PAX5: variants seen among roughly 807,000 people sequenced by gnomAD.
PAX5 encodes paired box 5, also known as paired box protein Pax-5.
In PAX5, 9 loss-of-function variants were observed where a neutral mutation model predicts 43.7. That is an observed-to-expected ratio of 0.21 (90% CI 0.12 to 0.36). The LOEUF (loss-of-function observed/expected upper bound fraction) is 0.36. PAX5 is among the 10% of genes least tolerant of loss of function. The probability of loss-of-function intolerance (pLI) is 1.00; values close to 1 mark genes in which losing one functional copy is unlikely to be tolerated. For synonymous variants in PAX5, 228 were observed against 214.3 expected, an observed-to-expected ratio of 1.06 and a Z score of -0.56; for missense variants, 383 against 532.7, an observed-to-expected ratio of 0.72 and a Z score of 2.77.
intron 8 of PAX5, among the ~76,000 whole-genome samples, chr9:36,876,019 C>G (rs1825879258): frequency 2.0e-5 from 3 of 152,226 alleles, no homozygotes; most frequent in African/African-American, 7.2e-5. Flanking sequence ...TGGGGAAGGC[C>G]TCTCTATGGA....
chr9:36,882,465 G>C lies in PAX5; in HGVS notation c.911-360C>G, dbSNP rs12553949. On this transcript the variant is annotated intron_variant, in intron 7 of 9. Coordinates refer to ENST00000358127, the MANE Select transcript of PAX5 (RefSeq NM_016734.3). The surrounding 1 kb of genome is among the most constrained non-coding windows in gnomAD (Gnocchi z 4.4). ...CCCTACTCTCTACTCCCCAAGAATGGCTGGGACCTCTCCATCTCCACACTG... is the reference window on the plus strand; with the variant it reads ...CCCTACTCTCTACTCCCCAAGAATGCCTGGGACCTCTCCATCTCCACACTG... Among the ~76,000 whole-genome samples, 9,837 of 152,098 alleles carry C rather than the reference G, an allele frequency of 0.065. 350 individuals carry two copies. The highest frequency in any genetic ancestry group is 0.15 in the Middle Eastern group (43 of 294).
intron 6 of PAX5, among the ~76,000 whole-genome samples, chr9:36,936,419 A>C (rs974069793): frequency 1.3e-5 from 2 of 152,198 alleles, no homozygotes; most frequent in African/African-American, 4.8e-5. Flanking sequence ...CAGGTGGCCA[A>C]GTTCCACAGG....
At chr9:37,006,560 A>G in intron 3 of PAX5, 23 bp from the exon 4 acceptor site, 2 of 1,605,278 alleles carry the variant, frequency 1.2e-6, no homozygotes, top group Non-Finnish European at 1.7e-6. Flanking sequence ...GAAAAACAAA[A>G]TTGCTATTTA....
chr9:36,938,141 T>G (rs1563987949), intron 6 of PAX5, among the ~76,000 whole-genome samples: 1 of 152,212 alleles, frequency 6.6e-6, no homozygotes, highest in Non-Finnish European at 1.5e-5. Context: ...CTTGTATGCC[T>G]TTTTATCAGG....
chr9:36,877,623 T>G (rs948674107), intron 8 of PAX5, among the ~76,000 whole-genome samples: 1 of 152,188 alleles, frequency 6.6e-6, no homozygotes, highest in Admixed American at 6.5e-5. Context: ...TGCAATGGCA[T>G]CATCATCTTC....
chr9:36,928,167 G>T (rs952369809), intron 6 of PAX5, among the ~76,000 whole-genome samples: 2 of 152,170 alleles, frequency 1.3e-5, no homozygotes, highest in African/African-American at 4.8e-5. Flanking sequence ...CCTCATCACC[G>T]TTTGTCCTTT....
At chr9:36,940,060 G>A (rs1831916622) in intron 6 of PAX5, among the ~76,000 whole-genome samples, 1 of 152,206 alleles carries the variant, frequency 6.6e-6, no homozygotes, top group Non-Finnish European at 1.5e-5. Context: ...TTTATTGCCC[G>A]GCGCTGCCTT....
intron 9 of PAX5, among the ~76,000 whole-genome samples, chr9:36,845,273 G>T (rs1027831837): frequency 6.6e-6 from 1 of 152,142 alleles, no homozygotes; most frequent in Admixed American, 6.5e-5. Flanking sequence ...CCAGGTTTGG[G>T]CCTCAAGACT....
chr9:36,846,997 T>G, intron 8 of PAX5, 68 bp from the exon 9 acceptor site: 2 of 1,147,168 alleles, frequency 1.7e-6, no homozygotes, highest in South Asian at 1.3e-5. Context: ...AGGCCCTGGG[T>G]CCCAGCCAGC....
At chr9:37,006,591 C>A (rs1838409007) in intron 3 of PAX5, 54 bp from the exon 4 acceptor site, 1 of 1,404,464 alleles carries the variant, frequency 7.1e-7, no homozygotes, top group East Asian at 2.3e-5. Flanking sequence ...GGAGAAGAGA[C>A]CTCAACCAGC....
At chr9:37,002,937 C>T (rs1459988605) in intron 4 of PAX5, 161 bp from the exon 5 acceptor site, 5 of 773,640 alleles carry the variant, frequency 6.5e-6, no homozygotes, top group South Asian at 2.0e-5. Flanking sequence ...ACCTGAGCCA[C>T]GAGCGCAGGC....
At chr9:36,976,639 AG>A (rs71881046) in intron 5 of PAX5, among the ~76,000 whole-genome samples, 112,535 of 151,844 alleles carry the variant, frequency 0.74, 42,176 homozygotes, top group South Asian at 0.88. Flanking sequence ...GGTGGCATGG[AG>A]GAAAATTTCC....
Position 36,840,581 on chromosome 9 carries a change from G to A in PAX5, c.1155C>T (p.Ala385=), listed in dbSNP as rs1220747735. The A allele has an allele frequency of 1.3e-6, 2 of 1,586,866 alleles. No homozygotes were observed. The highest frequency in any genetic ancestry group is 3.6e-5 in the Admixed American group (2 of 55,028). Reference sequence around the variant, plus strand: ...AGGGTCAGTGACGGTCATAGGCAGTGGCGGCTGCAGGTGGGGCGGCTCCTC... The same window carrying A: ...AGGGTCAGTGACGGTCATAGGCAGTAGCGGCTGCAGGTGGGGCGGCTCCTC... The part of the protein sequence containing the change: ...AARGAAPPAA[A]TAYDRH Residue 385 remains alanine (A), a synonymous_variant, in exon 10 of 10, where the codon GCC becomes GCT. Coordinates refer to ENST00000358127, the MANE Select transcript of PAX5 (RefSeq NM_016734.3).
intron 8 of PAX5, among the ~76,000 whole-genome samples, chr9:36,858,949 G>A (rs562449566): frequency 2.6e-4 from 39 of 152,228 alleles, no homozygotes; most frequent in African/African-American, 8.7e-4. Context: ...TGCTAGTCCC[G>A]ACCTGCGCTG....
chr9:36,844,825 C>CACA (rs1822410595), intron 9 of PAX5, among the ~76,000 whole-genome samples: 6 of 152,210 alleles, frequency 3.9e-5, no homozygotes, highest in Admixed American at 3.9e-4. Context: ...CCCAGCCTGG[C>CACA]CTTCAAGGGG....
chr9:37,005,135 A>G (rs141808194), intron 4 of PAX5, among the ~76,000 whole-genome samples: 3 of 152,310 alleles, frequency 2.0e-5, no homozygotes, highest in South Asian at 4.1e-4. Flanking sequence ...TCAGCCACAA[A>G]CATTCCCCCA....
chr9:36,983,429 A>G (rs770478808), intron 5 of PAX5, among the ~76,000 whole-genome samples: 21 of 152,242 alleles, frequency 1.4e-4, no homozygotes, highest in Non-Finnish European at 5.9e-5. Flanking sequence ...GAGCATTTAC[A>G]TAATGAAAAT....
intron 7 of PAX5, among the ~76,000 whole-genome samples, chr9:36,910,792 C>T (rs1295431662): frequency 1.3e-5 from 2 of 152,260 alleles, no homozygotes; most frequent in South Asian, 2.1e-4. Flanking sequence ...GAACTGACCC[C>T]GCGCTGTGTG....
At chr9:36,987,633 G>A (rs989268293) in intron 5 of PAX5, among the ~76,000 whole-genome samples, 1 of 152,206 alleles carries the variant, frequency 6.6e-6, no homozygotes, top group African/African-American at 2.4e-5. Flanking sequence ...CACAGGCTCT[G>A]CTCGTTCCCT....
Sources: gnomAD v4.1 joint callset for allele counts (sites outside exome capture counted in the v4.1 genomes callset) on GRCh38, gnomAD v4.1.1 for gene constraint, Gnocchi (gnomAD v3.1) non-coding constraint, MANE v1.5 for transcripts, NCBI Gene and HGNC (gene_info 2026-07-23, HGNC 2026-07-21) for gene names.